The following CCNI variants were observed in gnomAD, a reference collection of about 807,000 sequenced individuals.
CCNI encodes the protein cyclin-I.
A neutral mutation model predicts 34.1 loss-of-function variants in CCNI; 14 were observed. That is an observed-to-expected ratio of 0.41 (90% confidence interval 0.27 to 0.64). CCNI has a LOEUF of 0.64. Among genes scored for constraint, CCNI ranks in the 30% least tolerant of loss-of-function variants. CCNI has a pLI of 0.31. For missense variants in CCNI, 385 were observed against 440.5 expected (o/e 0.87, Z 1.13); for synonymous variants, 154 against 158.4 (o/e 0.97, Z 0.21).
chr4:77,072,393 C>T (rs1196238206), intron 1 of CCNI, among the ~76,000 whole-genome samples: 1 of 143,866 alleles, frequency 7.0e-6, no homozygotes, highest in African/African-American at 2.6e-5. Flanking sequence ...AGGAGAGGAG[C>T]ACTTGAGGCC....
chr4:77,051,676 GAAGA>G (rs1406531345), intron 6 of CCNI, among the ~76,000 whole-genome samples: 4 of 152,060 alleles, frequency 2.6e-5, no homozygotes, highest in African/African-American at 7.2e-5. Flanking sequence ...AGATCCAGTG[GAAGA>G]AACAAAACAA....
chr4:77,058,755 G>A (rs1415683484), intron 2 of CCNI, 120 bp from the exon 3 acceptor site: 6 of 786,746 alleles, frequency 7.6e-6, no homozygotes, highest in African/African-American at 5.4e-5. Flanking sequence ...AAATGTTAAG[G>A]TTATTCAAAA....
chr4:77,073,823 G>T (rs1729674664), intron 1 of CCNI, among the ~76,000 whole-genome samples: 1 of 152,106 alleles, frequency 6.6e-6, no homozygotes, highest in South Asian at 2.1e-4. Flanking sequence ...TCCTAATAAT[G>T]AATTCTTTGA....
chr4:77,051,831 G>A (rs1266233982), intron 6 of CCNI, among the ~76,000 whole-genome samples: 1 of 152,114 alleles, frequency 6.6e-6, no homozygotes, highest in Non-Finnish European at 1.5e-5. Flanking sequence ...GACATAAATG[G>A]TAGGTCCAGA....
intron 2 of CCNI, chr4:77,064,687 T>C (rs567678875): frequency 1.3e-5 from 2 of 151,782 alleles, no homozygotes; most frequent in African/African-American, 2.4e-5. Context: ...TTCTTTTTTT[T>C]TTTTTTGAGA....
At chr4:77,071,248 T>G (rs761539892) in intron 1 of CCNI, among the ~76,000 whole-genome samples, 2 of 152,230 alleles carry the variant, frequency 1.3e-5, no homozygotes, top group African/African-American at 2.4e-5. Flanking sequence ...AATAACTTTT[T>G]TTAAAACAAA....
chr4:77,048,075 A>G lies in CCNI; in HGVS notation c.*144T>C, dbSNP rs1439465283. The G allele has an allele frequency of 1.8e-6, 1 of 561,522 alleles. No homozygotes were observed. The highest frequency in any genetic ancestry group is 3.2e-5 in the Admixed American group (1 of 31,728). 34.8% of individuals were successfully genotyped at this position (561,522 alleles called of 1,614,324 possible). Reference sequence around the variant, plus strand: ...TGAATTATAATTAGCCACACAAATAATGAGAGTTTTATTTTTTTTTTCTGG... The same window carrying G: ...TGAATTATAATTAGCCACACAAATAGTGAGAGTTTTATTTTTTTTTTCTGG... On this transcript the variant is annotated 3_prime_UTR_variant, in exon 7 of 7. Coordinates refer to ENST00000237654, the MANE Select transcript of CCNI (RefSeq NM_006835.3).
At chr4:77,052,631 T>C (rs1175480868) in intron 6 of CCNI, among the ~76,000 whole-genome samples, 1 of 152,162 alleles carries the variant, frequency 6.6e-6, no homozygotes, top group East Asian at 1.9e-4. Flanking sequence ...TGATGGACTC[T>C]CCTCAAACCA....
At chr4:77,067,005 G>A (rs1184228837) in intron 1 of CCNI, among the ~76,000 whole-genome samples, 6 of 152,102 alleles carry the variant, frequency 3.9e-5, no homozygotes, top group Non-Finnish European at 5.9e-5. Flanking sequence ...AGGCCGAGGC[G>A]GGTGGATCAC....
At chr4:77,069,512 C>T (rs1270967234) in intron 1 of CCNI, among the ~76,000 whole-genome samples, 2 of 151,796 alleles carry the variant, frequency 1.3e-5, no homozygotes, top group Non-Finnish European at 2.9e-5. Flanking sequence ...CATATGTATA[C>T]ATGTGTCATG....
intron 6 of CCNI, among the ~76,000 whole-genome samples, chr4:77,053,376 G>T (rs1727997036): frequency 6.6e-6 from 1 of 152,138 alleles, no homozygotes; most frequent in South Asian, 2.1e-4. Context: ...TAAAATAAAG[G>T]AGGTGAATGA....
intron 2 of CCNI, among the ~76,000 whole-genome samples, chr4:77,059,481 T>C (rs190210276): frequency 6.6e-5 from 10 of 151,680 alleles, no homozygotes; most frequent in Admixed American, 1.3e-4. Flanking sequence ...AAAACAACAA[T>C]GTTTTGTGTT....
At chr4:77,052,021 T>C (rs1727885335) in intron 6 of CCNI, among the ~76,000 whole-genome samples, 1 of 151,692 alleles carries the variant, frequency 6.6e-6, no homozygotes, top group African/African-American at 2.4e-5. Flanking sequence ...ATTAACTAGA[T>C]ATATATTGCA....
chr4:77,051,024 C>T (rs1200671998), intron 6 of CCNI, among the ~76,000 whole-genome samples: 6 of 152,096 alleles, frequency 3.9e-5, no homozygotes, highest in Non-Finnish European at 7.4e-5. Flanking sequence ...TGCATATAAC[C>T]CACTCGCATT....
At chr4:77,070,964 T>C (rs919003689) in intron 1 of CCNI, among the ~76,000 whole-genome samples, 1 of 152,202 alleles carries the variant, frequency 6.6e-6, no homozygotes, top group African/African-American at 2.4e-5. Context: ...CAAACTCCTA[T>C]TAAAAACCTT....
chr4:77,069,236 G>A (rs1322614207), intron 1 of CCNI, among the ~76,000 whole-genome samples: 2 of 152,142 alleles, frequency 1.3e-5, no homozygotes, highest in Non-Finnish European at 2.9e-5. Flanking sequence ...GGGCAATGTG[G>A]TGAAACTCCA....
intron 2 of CCNI, among the ~76,000 whole-genome samples, chr4:77,062,178 C>T (rs1183482635): frequency 6.6e-6 from 1 of 152,190 alleles, no homozygotes; most frequent in African/African-American, 2.4e-5. Context: ...TGATGTTACT[C>T]CCCGCCAGAT....
At chr4:77,054,969 G>A (rs898668762) in intron 6 of CCNI, among the ~76,000 whole-genome samples, 181 bp downstream of exon 6, 2 of 152,004 alleles carry the variant, frequency 1.3e-5, no homozygotes, top group Admixed American at 6.6e-5. Context: ...TACTATATAA[G>A]TTTTATATGA....
At chr4:77,052,937 T>C (rs1350209617) in intron 6 of CCNI, among the ~76,000 whole-genome samples, 1 of 152,200 alleles carries the variant, frequency 6.6e-6, no homozygotes, top group African/African-American at 2.4e-5. Context: ...ACCTTCCTTT[T>C]CTTCACTAAC....
Sources: allele counts gnomAD v4.1 joint callset (sites outside exome capture counted in the v4.1 genomes callset), GRCh38; gene constraint gnomAD v4.1.1; transcripts MANE v1.5; gene names NCBI Gene and HGNC (gene_info 2026-07-23, HGNC 2026-07-21).